Variants in ZFYVE26 observed in about 807,000 individuals in gnomAD.
The protein encoded by ZFYVE26 is zinc finger FYVE-type containing 26, also known as zinc finger FYVE domain-containing protein 26.
A neutral mutation model predicts 276.5 loss-of-function variants in ZFYVE26; 181 were observed. The ratio of observed to expected loss-of-function variants is 0.65; its 90% CI spans 0.58 to 0.74. The LOEUF is 0.74. ZFYVE26 is among the 30% of genes least tolerant of loss of function. ZFYVE26 has a pLI of 0.00. For missense variants in ZFYVE26, 2,821 were observed against 3,097.9 expected (o/e 0.91, Z 2.12); for synonymous variants, 1,129 against 1,203.1 (o/e 0.94, Z 1.27).
At chr14:67,753,858 C>A in intron 38 of ZFYVE26, 92 bp from the exon 39 acceptor site, 1 of 1,529,134 alleles carries the variant, frequency 6.5e-7, no homozygotes, top group South Asian at 1.1e-5. Context: ...TTCAATTATT[C>A]AACAAATATT....
chr14:67,761,483 G>A lies in ZFYVE26; in HGVS notation c.6471C>T (p.Asn2157=), dbSNP rs1206464443. The A allele has an allele frequency of 6.2e-7, 1 of 1,614,198 alleles. No homozygotes were observed. Among genetic ancestry groups the A allele is most frequent in the South Asian group, 1.1e-5 (1 of 91,082 alleles). The change falls in exon 35 of 42, where the codon AAC becomes AAT. Residue 2157 remains asparagine (N), a synonymous_variant. Coordinates refer to ENST00000347230, the MANE Select transcript of ZFYVE26 (RefSeq NM_015346.4). ...AVIPEGKIMN[N]TYYQECLFYL... Reference sequence around the variant, plus strand: ...AGAAGAGGCATTCCTGGTAGTAGGTGTTGTTCATGATTTTCCCTTCAGGAA... The same window carrying A: ...AGAAGAGGCATTCCTGGTAGTAGGTATTGTTCATGATTTTCCCTTCAGGAA...
intron 15 of ZFYVE26, 95 bp from the exon 16 acceptor site, chr14:67,789,693 G>T: frequency 6.6e-7 from 1 of 1,515,176 alleles, no homozygotes; most frequent in Non-Finnish European, 9.1e-7. Context: ...AATGTTTGAG[G>T]TTCATCTGCA....
chr14:67,775,520 T>C (rs1220732749), intron 26 of ZFYVE26, among the ~76,000 whole-genome samples: 2 of 152,326 alleles, frequency 1.3e-5, no homozygotes, highest in African/African-American at 4.8e-5. Flanking sequence ...ATATCCGATG[T>C]GATCCTGGGA....
chr14:67,807,516 C>A lies in ZFYVE26; in HGVS notation c.768G>T (p.Glu256Asp), dbSNP rs2040207487. 1 of 1,614,076 alleles carries A rather than the reference C, an allele frequency of 6.2e-7. No individual in the cohort carries two copies. The highest frequency in any genetic ancestry group is 1.7e-5 in the Admixed American group (1 of 60,008). The part of the protein sequence containing the change: ...ACRTEGSPLR[E>D]ERLLSCLLHK... ...GCAGCAGGCAGCTGAGCAGCCGCTC[C>A]TCCCGCAGGGGACTCCCCTCGGTCC... is the stretch of plus-strand genomic sequence containing the variant. The change falls in exon 5 of 42, where the codon GAG becomes GAT. Residue 256 changes from glutamate (E) to aspartate (D), a missense_variant. Glu to Asp is a conservative substitution (Grantham distance 45). Coordinates refer to ENST00000347230, the MANE Select transcript of ZFYVE26 (RefSeq NM_015346.4).
At chr14:67,784,220 G>T in intron 20 of ZFYVE26, 114 bp downstream of exon 20, 1 of 892,816 alleles carries the variant, frequency 1.1e-6, no homozygotes. Context: ...AATTCAGTCA[G>T]GAAGAAATCC....
chr14:67,812,315 C>T (rs986233256), intron 3 of ZFYVE26, among the ~76,000 whole-genome samples: 57 of 152,024 alleles, frequency 3.7e-4, no homozygotes, highest in African/African-American at 1.3e-3. Context: ...TAATTGCTTA[C>T]ACATGGAGAG....
Position 67,798,243 on chromosome 14 carries a change from A to G in ZFYVE26, c.2019T>C (p.Ser673=). 1 of 1,614,150 alleles carries G rather than the reference A, an allele frequency of 6.2e-7. No homozygotes were observed. Among genetic ancestry groups the G allele is most frequent in the Non-Finnish European group, 8.5e-7 (1 of 1,180,018 alleles). ...CATCAGCCAGAAATCCACTGATACC[A>G]CTAGTAAAGTGTTTTAAGTCCAAAA... ...HSFLDLKHFT[S]GISGFLADEF... The change falls in exon 11 of 42, where the codon AGT becomes AGC. Residue 673 remains serine (S), a synonymous_variant. Transcript: ENST00000347230.
chr14:67,743,753 G>T (rs867603117), downstream of ZFYVE26, among the ~76,000 whole-genome samples: 3 of 152,124 alleles, frequency 2.0e-5, no homozygotes, highest in Non-Finnish European at 2.9e-5. Context: ...CTAAGGGATT[G>T]TATGGGAGAG....
At chr14:67,783,567 C>T (rs2140224181) in intron 20 of ZFYVE26, 42 bp from the exon 21 acceptor site, 1 of 1,605,928 alleles carries the variant, frequency 6.2e-7, no homozygotes, top group South Asian at 1.1e-5. Flanking sequence ...CCTGAATACA[C>T]AGGCACCATT....
At chr14:67,769,826 T>C in intron 28 of ZFYVE26, 96 bp from the exon 29 acceptor site, 5 of 1,552,036 alleles carry the variant, frequency 3.2e-6, no homozygotes, top group Non-Finnish European at 3.5e-6. Context: ...CAGTGGCTTA[T>C]ACTTTCTAAG....
At position 67,794,025 on chromosome 14, in the gene ZFYVE26, T is replaced by G. The variant is rs539206665; in HGVS notation, c.2401+146A>C. The G allele has an allele frequency of 6.2e-6, 6 of 970,160 alleles. 1 individual carries two copies. The South Asian group carries it at 6.5e-5, about 11-fold the overall frequency. The allele number at this position is 970,160 out of a possible 1,614,324, so 60.1% of individuals were successfully genotyped here. A position where few individuals can be genotyped will look rare whatever the true frequency, so the allele number is the denominator to read the frequency against. On this transcript the variant is annotated intron_variant, in intron 13 of 41. Transcript: ENST00000347230. ...ACTAAATTGAGAATGAAACAGTCCTTTCCCTTCTCCCAGCTAAAATCTGGC... is the reference window on the plus strand; with the variant it reads ...ACTAAATTGAGAATGAAACAGTCCTGTCCCTTCTCCCAGCTAAAATCTGGC...
At chr14:67,745,295 T>C (rs1009616762), downstream of ZFYVE26, among the ~76,000 whole-genome samples, 3 of 152,212 alleles carry the variant, frequency 2.0e-5, no homozygotes, top group African/African-American at 7.2e-5. Context: ...CCTTGTAGAT[T>C]CTGGATATTA....
rs2040157026 is a variant in ZFYVE26 at position 67,805,325 on chromosome 14, G to T, written c.1183-20C>A. 6.2e-7 allele frequency: 1 copy of T among 1,614,094 alleles called. No individual in the cohort carries two copies. The highest frequency in any genetic ancestry group is 8.5e-7 in the Non-Finnish European group (1 of 1,179,938). ...TGGGCCCTATGTTGATATGGGAGAA[G>T]AAAGAGATGCTGACTCAGGCACCTG... On this transcript the variant is annotated intron_variant, in intron 7 of 41. Coordinates refer to ENST00000347230, the MANE Select transcript of ZFYVE26 (RefSeq NM_015346.4).
chr14:67,767,198 C>T (rs1664408267), intron 31 of ZFYVE26, among the ~76,000 whole-genome samples: 1 of 151,952 alleles, frequency 6.6e-6, no homozygotes, highest in African/African-American at 2.4e-5. Context: ...TTTCATAGGC[C>T]CTTGAAACCT....
rs574829225 is a variant in ZFYVE26 at position 67,756,346 on chromosome 14, C to T, written c.6589-201G>A. On this transcript the variant is annotated intron_variant, in intron 35 of 41. Coordinates refer to ENST00000347230, the MANE Select transcript of ZFYVE26 (RefSeq NM_015346.4). ...TTCTCTCCTTCCTTTTACAGAGAAG[C>T]CCCTAGACAGGGTTATCTACCCTCA... The T allele has an allele frequency of 6.2e-6, 4 of 642,774 alleles. No individual in the cohort carries two copies. In the Admixed American group the frequency reaches 7.7e-5, roughly 12 times the overall value. The allele number at this position is 642,774 out of a possible 1,614,324, so 39.8% of individuals were successfully genotyped here.
Position 67,809,225 on chromosome 14 carries a change from C to T in ZFYVE26, c.338G>A (p.Gly113Asp), listed in dbSNP as rs757436950. The change falls in exon 4 of 42, where the codon GGT (glycine) becomes GAT (aspartate). Residue 113 changes from glycine to aspartate, a missense_variant. Coordinates refer to ENST00000347230, the MANE Select transcript of ZFYVE26 (RefSeq NM_015346.4). ...EFLLLSEDLQGDIPENILEEL... is the reference protein window; with the variant it reads ...EFLLLSEDLQDDIPENILEEL... ...CTCGAGGATGTTCTCTGGAATGTCA[C>T]CTTGGAGGTCTTCTGACAATAAAAG... is the stretch of plus-strand genomic sequence containing the variant. 1 of 1,614,022 alleles carries T rather than the reference C, an allele frequency of 6.2e-7. No homozygotes were observed. The highest frequency in any genetic ancestry group is 2.2e-5 in the East Asian group (1 of 44,874).
At chr14:67,794,057 C>A in intron 13 of ZFYVE26, 114 bp downstream of exon 13, 1 of 1,230,976 alleles carries the variant, frequency 8.1e-7, no homozygotes, top group Non-Finnish European at 1.2e-6. Context: ...TGGCCATCTG[C>A]CAACCTTGAA....
chr14:67,813,853 A>G (rs545717116), intron 3 of ZFYVE26, 133 bp downstream of exon 3: 1 of 719,762 alleles, frequency 1.4e-6, no homozygotes, highest in African/African-American at 1.8e-5. Flanking sequence ...ATAAAAATTT[A>G]AGCCATTCTT....
At position 67,769,610 on chromosome 14, in the gene ZFYVE26, T is replaced by C. The variant is rs2039151781; in HGVS notation, c.5605A>G (p.Ser1869Gly). ...NPARVCDQCYSYCNKDVPEEP... is the reference protein window; with the variant it reads ...NPARVCDQCYGYCNKDVPEEP... ...GACACTCACTCTTTGTTGCAGTAACTATAGCACTGATCACACACACGAGCA... is the reference window on the plus strand; with the variant it reads ...GACACTCACTCTTTGTTGCAGTAACCATAGCACTGATCACACACACGAGCA... The change falls in exon 29 of 42, where the codon AGT (serine) becomes GGT (glycine). Residue 1869 changes from serine (S) to glycine (G), a missense_variant. Transcript: ENST00000347230. 6.2e-7 allele frequency: 1 copy of C among 1,613,848 alleles called. No homozygotes were observed. Among genetic ancestry groups the C allele is most frequent in the Non-Finnish European group, 8.5e-7 (1 of 1,179,878 alleles).
Sources: gnomAD v4.1 joint callset for allele counts (sites outside exome capture counted in the v4.1 genomes callset) on GRCh38, gnomAD v4.1.1 for gene constraint, MANE v1.5 for transcripts, NCBI Gene and HGNC (gene_info 2026-07-23, HGNC 2026-07-21) for gene names.